The following CCM2 variants were observed in gnomAD, a reference collection of about 807,000 sequenced individuals.
CCM2 encodes CCM2 scaffold protein.
In CCM2, 25 loss-of-function variants were observed where a neutral mutation model predicts 44.9. The observed-to-expected ratio is 0.56, with a 90% confidence interval of 0.41 to 0.78. The LOEUF is 0.78. Among genes scored for constraint, CCM2 ranks in the 30% least tolerant of loss-of-function variants. The pLI, the probability that CCM2 is intolerant of heterozygous loss-of-function variation, is 0.00. For synonymous variants in CCM2, 219 were observed against 241.1 expected (o/e 0.91, Z 0.85); for missense variants, 481 against 580.6 (o/e 0.83, Z 1.76).
Position 45,020,676 on chromosome 7 carries a change from T to C in CCM2, c.31-17577T>C, listed in dbSNP as rs185645855. Among the ~76,000 whole-genome samples, 15 of 152,354 alleles carry C rather than the reference T, an allele frequency of 9.8e-5. No individual in the cohort carries two copies. In the East Asian group the frequency reaches 2.7e-3, roughly 27 times the overall value. On this transcript the variant is annotated intron_variant, in intron 1 of 9. Transcript: ENST00000258781. The stretch of plus-strand genomic sequence containing the variant: ...GGTAGAACCAAGGTTTATTCTTTTT[T>C]TCTTTACCCACCTCTCAAGAGAACA...
chr7:45,023,641 C>G (rs779577146), intron 1 of CCM2, among the ~76,000 whole-genome samples: 16 of 151,778 alleles, frequency 1.1e-4, no homozygotes, highest in Non-Finnish European at 2.2e-4. Flanking sequence ...GTAGAGTTTA[C>G]TCAGCCTTTT....
chr7:45,019,139 C>T (rs574291857), intron 1 of CCM2, among the ~76,000 whole-genome samples: 23 of 146,110 alleles, frequency 1.6e-4, no homozygotes, highest in Admixed American at 5.6e-4. Flanking sequence ...TCTCGGCTCA[C>T]TGCAACCTTG....
At chr7:45,074,143 C>G in intron 8 of CCM2, 127 bp from the exon 9 acceptor site, 2 of 1,549,612 alleles carry the variant, frequency 1.3e-6, no homozygotes, top group Middle Eastern at 2.0e-4. Flanking sequence ...GATGCCCCAG[C>G]CTGTGCAGAG....
Position 45,010,573 on chromosome 7 carries a change from T to A in CCM2, c.30+10210T>A, listed in dbSNP as rs140456173. 1.8e-3 allele frequency among the ~76,000 whole-genome samples: 271 copies of A among 152,240 alleles called. 1 individual carries two copies. Among genetic ancestry groups the A allele is most frequent in the African/African-American group, 6.2e-3 (256 of 41,530 alleles). ...ATTTGTTTATTCATTTGTTGGAGAT[T>A]TAGTTTCTTTCTAGTTTGTGTATAT... On this transcript the variant is annotated intron_variant, in intron 1 of 9. Transcript: ENST00000258781.
At position 45,074,274 on chromosome 7, in the gene CCM2, G is replaced by A. The variant is rs372739455; in HGVS notation, c.920G>A (p.Arg307His). 2.5e-5 allele frequency: 40 copies of A among 1,613,424 alleles called. No homozygotes were observed. The highest frequency in any genetic ancestry group is 6.7e-5 in the African/African-American group (5 of 74,936). The change falls in exon 9 of 10, where the codon CGC (arginine) becomes CAC (histidine). Residue 307 changes from arginine (R) to histidine (H), a missense_variant. Transcript: ENST00000258781. ...ELLQDYMLTL[R>H]TKLSSQEIQQ... The stretch of plus-strand genomic sequence containing the variant: ...TCTGGCTCTGCTCTCTTGCAGCTGC[G>A]CACCAAGCTGTCATCACAGGAGATC...
In CCM2 at chr7:45,063,925, G is replaced by A. The variant is rs1798641548; in HGVS notation, c.212G>A (p.Gly71Asp). 1 of 1,609,264 alleles carries A rather than the reference G, an allele frequency of 6.2e-7. No individual in the cohort carries two copies. Among genetic ancestry groups the A allele is most frequent in the Admixed American group, 1.7e-5 (1 of 59,972 alleles). ...DYIEKEVKYL[G>D]QLTSIPGYLN... Reference sequence around the variant, plus strand: ...TTCTTCACTTTCTTTCAGTATTTAGGTCAGTTAACGTCCATACCAGGATAC... The same window carrying A: ...TTCTTCACTTTCTTTCAGTATTTAGATCAGTTAACGTCCATACCAGGATAC... The change falls in exon 3 of 10, where the codon GGT (glycine) becomes GAT (aspartate). Residue 71 changes from glycine (G) to aspartate (D), a missense_variant. By Grantham distance (94) the Gly-to-Asp change is moderately conservative. Coordinates refer to ENST00000258781, the MANE Select transcript of CCM2 (RefSeq NM_031443.4).
intron 1 of CCM2, among the ~76,000 whole-genome samples, chr7:45,020,122 A>G: frequency 6.6e-6 from 1 of 151,806 alleles, no homozygotes; most frequent in East Asian, 1.9e-4. Flanking sequence ...TCTCTGCTCC[A>G]CTCCTCTGAG....
At chr7:45,055,881 T>G (rs934455916) in intron 2 of CCM2, among the ~76,000 whole-genome samples, 4 of 152,204 alleles carry the variant, frequency 2.6e-5, no homozygotes, top group Non-Finnish European at 5.9e-5. Flanking sequence ...GCTTTACTTT[T>G]TGTCTCTATG....
intron 1 of CCM2, among the ~76,000 whole-genome samples, chr7:45,036,215 T>G (rs1389339969): frequency 6.6e-6 from 1 of 152,160 alleles, no homozygotes. Flanking sequence ...TTAGTGCACT[T>G]CTCTGGAAGC....
intron 6 of CCM2, 44 bp from the exon 7 acceptor site, chr7:45,072,682 T>C (rs2128751920): frequency 2.7e-6 from 4 of 1,507,346 alleles, no homozygotes; most frequent in South Asian, 2.3e-5. Flanking sequence ...GCCTCCCCAC[T>C]ATGTCCCTGA....
intron 1 of CCM2, among the ~76,000 whole-genome samples, chr7:45,010,008 C>A (rs980990501): frequency 4.6e-5 from 7 of 151,884 alleles, no homozygotes; most frequent in Non-Finnish European, 7.4e-5. Flanking sequence ...TTCCCAGACT[C>A]AAGTGATCCT....
chr7:45,072,229 C>A, intron 6 of CCM2: 2 of 327,874 alleles, frequency 6.1e-6, no homozygotes, highest in South Asian at 5.0e-5. Flanking sequence ...GTCTGAGGGT[C>A]TTGGGAATCC....
chr7:45,042,567 A>G (rs1232802156), intron 2 of CCM2, among the ~76,000 whole-genome samples: 1 of 152,204 alleles, frequency 6.6e-6, no homozygotes, highest in African/African-American at 2.4e-5. Flanking sequence ...ATAGGGGAAA[A>G]CAGAAAGCAG....
chr7:45,065,928 A>G (rs1189654108), intron 4 of CCM2, among the ~76,000 whole-genome samples: 2 of 152,232 alleles, frequency 1.3e-5, no homozygotes, highest in East Asian at 1.9e-4. Flanking sequence ...GGCCTGGGAC[A>G]TCCTTAGGGA....
chr7:45,074,778 G>T (rs1405630816), intron 9 of CCM2, among the ~76,000 whole-genome samples: 1 of 152,186 alleles, frequency 6.6e-6, no homozygotes, highest in African/African-American at 2.4e-5. Context: ...ATGGGTTTTG[G>T]TGAATGTGTA....
intron 9 of CCM2, 133 bp from the exon 10 acceptor site, chr7:45,075,644 C>T: frequency 9.3e-7 from 1 of 1,074,600 alleles, no homozygotes. Context: ...ATGCAGTGAG[C>T]ATGGCATCAG....
intron 1 of CCM2, 89 bp downstream of exon 1, chr7:45,000,452 C>G (rs1203412959): frequency 1.1e-5 from 1 of 91,228 alleles, no homozygotes; most frequent in African/African-American, 3.5e-4. Context: ...TTCCTTGGGG[C>G]CCGGGGGGGG....
At chr7:45,072,351 A>C in intron 6 of CCM2, 1 of 375,874 alleles carries the variant, frequency 2.7e-6, no homozygotes, top group Non-Finnish European at 5.1e-6. Context: ...CCTAATCTAC[A>C]AGTGAAGACA....
chr7:45,017,833 C>G (rs1355200175), intron 1 of CCM2, among the ~76,000 whole-genome samples: 2 of 152,254 alleles, frequency 1.3e-5, no homozygotes, highest in East Asian at 1.9e-4. Flanking sequence ...AGTTGGAGTG[C>G]TTAGGATTTT....
Sources: allele counts gnomAD v4.1 joint callset (sites outside exome capture counted in the v4.1 genomes callset), GRCh38; gene constraint gnomAD v4.1.1; transcripts MANE v1.5; gene names NCBI Gene and HGNC (gene_info 2026-07-23, HGNC 2026-07-21).